Variants in LIPG observed in about 807,000 individuals in gnomAD.
LIPG encodes lipase G, endothelial type.
A neutral mutation model predicts 51.8 loss-of-function variants in LIPG; 34 were observed. That is an observed-to-expected ratio of 0.66 (90% CI 0.50 to 0.87). The LOEUF (loss-of-function observed/expected upper bound fraction) is 0.87. LIPG is among the 40% of genes least tolerant of loss of function. The pLI is 0.00. For missense variants in LIPG, 580 were observed against 652.7 expected (o/e 0.89, Z 1.21); for synonymous variants, 246 against 246.1 (o/e 1.00, Z 0.00).
At chr18:49,579,783 C>CTTTTCTTTTCTT (rs2084796760) in intron 5 of LIPG, among the ~76,000 whole-genome samples, 1 of 75,974 alleles carries the variant, frequency 1.3e-5, no homozygotes, top group Non-Finnish European at 2.9e-5. Flanking sequence ...CTTTTCTTTT[C>CTTTTCTTTTCTT]TTTTCTTTTC....
rs1262721110 is a variant in LIPG at position 49,595,505 on chromosome 18, T to C, written c.*4983T>C. The stretch of plus-strand genomic sequence containing the variant: ...AGAAAGTATTTGTGTTTTGTAAACA[T>C]TTGAATTGATAAGAGGACAGTGTGA... On this transcript the variant is annotated 3_prime_UTR_variant, in exon 10 of 10. Transcript: ENST00000261292. The C allele has an allele frequency of 1.3e-5, 2 of 152,146 alleles. No homozygotes were observed. Among genetic ancestry groups the C allele is most frequent in the Non-Finnish European group, 2.9e-5 (2 of 68,008 alleles). 9.4% of individuals were successfully genotyped at this position (152,146 alleles called of 1,614,324 possible).
chr18:49,581,728 G>A (rs1407532729), intron 6 of LIPG, 71 bp downstream of exon 6: 1 of 1,576,774 alleles, frequency 6.3e-7, no homozygotes, highest in Non-Finnish European at 8.6e-7. Context: ...ATGCTGCAGA[G>A]CAGGGCACAT....
At position 49,581,407 on chromosome 18, in the gene LIPG, A is replaced by AC. The variant is rs1289793848; in HGVS notation, c.794-3dup. 1.2e-6 allele frequency: 2 copies of AC among 1,614,008 alleles called. No individual in the cohort carries two copies. Among genetic ancestry groups the AC allele is most frequent in the Non-Finnish European group, 1.7e-6 (2 of 1,179,996 alleles). ...ATCCTGCATGCTTTTTATCTCTCCCACCCCCAGCAATCACAGAGGTGGTAA... is the reference window on the plus strand; with the variant it reads ...ATCCTGCATGCTTTTTATCTCTCCCACCCCCCAGCAATCACAGAGGTGGTAA... On this transcript the variant is annotated splice_region_variant and splice_polypyrimidine_tract_variant and intron_variant, in intron 5 of 9. Coordinates refer to ENST00000261292, the MANE Select transcript of LIPG (RefSeq NM_006033.4).
chr18:49,578,066 G>T (rs1342891372), intron 5 of LIPG, among the ~76,000 whole-genome samples: 2 of 147,248 alleles, frequency 1.4e-5, no homozygotes, highest in Non-Finnish European at 3.0e-5. Context: ...GGCCGGGCGG[G>T]GGGGCTGGCC....
At position 49,598,857 on chromosome 18, in the gene LIPG, C is replaced by T. The variant is rs925563706; in HGVS notation, c.*8335C>T. 2.0e-5 allele frequency: 3 copies of T among 152,166 alleles called. No individual in the cohort carries two copies. Among genetic ancestry groups the T allele is most frequent in the Admixed American group, 2.0e-4 (3 of 15,276 alleles). 9.4% of individuals were successfully genotyped at this position (152,166 alleles called of 1,614,324 possible). On this transcript the variant is annotated 3_prime_UTR_variant, in exon 10 of 10. Coordinates refer to ENST00000261292, the MANE Select transcript of LIPG (RefSeq NM_006033.4). ...ATTTTGTATAAGTGGAGTGTATCTA[C>T]AGTATGTTCTCTTTTGTGTCTGCCT...
In LIPG at chr18:49,590,527, G is replaced by T. The variant is rs748290292; in HGVS notation, c.*5G>T. ...CCCACTGTGGAGCTTCCCTGAGGGT[G>T]CCCGGGCAAGTCTTGCCAGCAAGGC... On this transcript the variant is annotated 3_prime_UTR_variant, in exon 10 of 10. Coordinates refer to ENST00000261292, the MANE Select transcript of LIPG (RefSeq NM_006033.4). 1.7e-5 allele frequency: 27 copies of T among 1,599,278 alleles called. No individual in the cohort carries two copies. Among genetic ancestry groups the T allele is most frequent in the Non-Finnish European group, 8.5e-6 (10 of 1,171,482 alleles).
At chr18:49,579,802 T>TTTA (rs2084798002) in intron 5 of LIPG, among the ~76,000 whole-genome samples, 1 of 104,820 alleles carries the variant, frequency 9.5e-6, no homozygotes, top group African/African-American at 3.5e-5. Flanking sequence ...TCTTTTCTTT[T>TTTA]CTTTTCTTTT....
intron 8 of LIPG, 109 bp from the exon 9 acceptor site, chr18:49,586,637 G>A: frequency 1.3e-6 from 1 of 773,064 alleles, no homozygotes; most frequent in Middle Eastern, 2.3e-4. Context: ...TCGGGGCATG[G>A]CATGAAAATT....
intron 5 of LIPG, among the ~76,000 whole-genome samples, chr18:49,579,787 T>TCCTTTCCTTTC (rs1568533557): frequency 2.3e-5 from 2 of 88,674 alleles, no homozygotes; most frequent in African/African-American, 7.3e-5. Flanking sequence ...TCTTTTCTTT[T>TCCTTTCCTTTC]CTTTTCTTTT....
rs1449765855 is a variant in LIPG, at chr18:49,586,837, A to G, written c.1468A>G (p.Lys490Glu). 6.2e-7 allele frequency: 1 copy of G among 1,613,670 alleles called. No homozygotes were observed. Among genetic ancestry groups the G allele is most frequent in the African/African-American group, 1.3e-5 (1 of 75,032 alleles). ...FRKCRDGWRM[K>E]NETSPTVELP ...CAAGTGTCGGGATGGCTGGAGGATG[A>G]AAAACGAAACCAGGTAACCAGGACT... The change falls in exon 9 of 10, where the codon AAA becomes GAA. Residue 490 changes from lysine to glutamate, a missense_variant. Transcript: ENST00000261292.
intron 1 of LIPG, among the ~76,000 whole-genome samples, chr18:49,564,439 C>T (rs560908966): frequency 2.6e-5 from 4 of 152,334 alleles, no homozygotes; most frequent in African/African-American, 9.6e-5. Context: ...GGGAGCAGGG[C>T]CGTCTCCTAG....
chr18:49,586,893 C>T lies in LIPG; in HGVS notation c.1481+43C>T, dbSNP rs374049688. ...ACACGTTCCACCCAGGACACGTTGA[C>T]ATGATGATCTCCTAGCATGTGCTGG... On this transcript the variant is annotated intron_variant, in intron 9 of 9. Transcript: ENST00000261292. 96 of 1,366,244 alleles carry T rather than the reference C, an allele frequency of 7.0e-5. No individual in the cohort carries two copies. In the Middle Eastern group the frequency reaches 7.6e-4, roughly 11 times the overall value. 84.6% of individuals were successfully genotyped at this position (1,366,244 alleles called of 1,614,324 possible).
rs1422304302 is a variant in LIPG at position 49,590,563 on chromosome 18, C to T, written c.*41C>T. ...TCTTGCCAGCAAGGCAGCAAGACTT[C>T]CTGCTATCCAAGCCCATGGAGGAAA... On this transcript the variant is annotated 3_prime_UTR_variant, in exon 10 of 10. Transcript: ENST00000261292. 6.3e-7 allele frequency: 1 copy of T among 1,575,094 alleles called. No individual in the cohort carries two copies. Among genetic ancestry groups the T allele is most frequent in the East Asian group, 2.3e-5 (1 of 43,464 alleles).
Position 49,598,681 on chromosome 18 carries a change from A to G in LIPG, c.*8159A>G, listed in dbSNP as rs1040200703. On this transcript the variant is annotated 3_prime_UTR_variant, in exon 10 of 10. Transcript: ENST00000261292. ...ATTTGACATTTTGGTACAGGAAATC[A>G]TCATGAAACTGAAAGCATTACCACA... is the stretch of plus-strand genomic sequence containing the variant. 1 of 152,218 alleles carries G rather than the reference A, an allele frequency of 6.6e-6. No individual in the cohort carries two copies. The highest frequency in any genetic ancestry group is 1.5e-5 in the Non-Finnish European group (1 of 68,034). 9.4% of individuals were successfully genotyped at this position (152,218 alleles called of 1,614,324 possible).
rs2084991335 is a variant in LIPG at position 49,597,977 on chromosome 18, G to T, written c.*7455G>T. Reference sequence around the variant, plus strand: ...CAAAGCCTCAACTATTTATTGTGAGGGAGATAATTCATTTTCATTTTCCTG... The same window carrying T: ...CAAAGCCTCAACTATTTATTGTGAGTGAGATAATTCATTTTCATTTTCCTG... On this transcript the variant is annotated 3_prime_UTR_variant, in exon 10 of 10. Coordinates refer to ENST00000261292, the MANE Select transcript of LIPG (RefSeq NM_006033.4). 6.6e-6 allele frequency: 1 copy of T among 152,144 alleles called. No homozygotes were observed. The highest frequency in any genetic ancestry group is 1.5e-5 in the Non-Finnish European group (1 of 68,030). The allele number at this position is 152,144 out of a possible 1,614,324, so 9.4% of individuals were successfully genotyped here.
At chr18:49,564,584 G>A (rs533619140) in intron 1 of LIPG, among the ~76,000 whole-genome samples, 3 of 152,356 alleles carry the variant, frequency 2.0e-5, no homozygotes, top group Non-Finnish European at 1.5e-5. Context: ...AGGGCACTGA[G>A]GATGCCTGAG....
At position 49,594,773 on chromosome 18, in the gene LIPG, A is replaced by G. The variant is rs988672919; in HGVS notation, c.*4251A>G. The stretch of plus-strand genomic sequence containing the variant: ...GGTGGAAACTCCACTGTCCATCTCT[A>G]CCAGGACATTCTGAAACCAGGCTTG... On this transcript the variant is annotated 3_prime_UTR_variant, in exon 10 of 10. Transcript: ENST00000261292. 3 of 152,244 alleles carry G rather than the reference A, an allele frequency of 2.0e-5. No homozygotes were observed. Among genetic ancestry groups the G allele is most frequent in the African/African-American group, 7.2e-5 (3 of 41,464 alleles). The allele number at this position is 152,244 out of a possible 1,614,324, so 9.4% of individuals were successfully genotyped here.
In LIPG at chr18:49,580,791, C is replaced by T. The variant is rs969275152; in HGVS notation, c.794-624C>T. Among the ~76,000 whole-genome samples the T allele has an allele frequency of 3.3e-5, 5 of 152,198 alleles. No homozygotes were observed. In the South Asian group the frequency reaches 1.0e-3, roughly 31 times the overall value. On this transcript the variant is annotated intron_variant, in intron 5 of 9. Transcript: ENST00000261292. ...TTAGGAGGTAGTGACTCCTGCTGCA[C>T]AGCTGGTCTGCATCACCCTACTTAG...
In LIPG at chr18:49,577,170, C is replaced by T. The variant is rs573789294; in HGVS notation, c.793+1580C>T. On this transcript the variant is annotated intron_variant, in intron 5 of 9. Transcript: ENST00000261292. ...CTAGGCAGAGGACCCTGTGGCCTTC[C>T]GCAGTGTTTGTGTCCCTGATTACTT... 1.6e-3 allele frequency among the ~76,000 whole-genome samples: 211 copies of T among 130,518 alleles called. 1 individual carries two copies. Among genetic ancestry groups the T allele is most frequent in the African/African-American group, 5.9e-3 (192 of 32,816 alleles). The allele number at this position is 130,518 out of a possible 152,430, so 85.6% of individuals were successfully genotyped here.
Sources: gnomAD v4.1 joint callset for allele counts (sites outside exome capture counted in the v4.1 genomes callset) on GRCh38, gnomAD v4.1.1 for gene constraint, MANE v1.5 for transcripts, NCBI Gene and HGNC (gene_info 2026-07-23, HGNC 2026-07-21) for gene names.